The following GPC6 variants were observed in gnomAD, a reference collection of about 807,000 sequenced individuals.
GPC6 encodes glypican-6.
In GPC6, 14 loss-of-function variants were observed where a neutral mutation model predicts 55.2. The observed-to-expected ratio is 0.25, with a 90% confidence interval of 0.17 to 0.40. The LOEUF (loss-of-function observed/expected upper bound fraction) is 0.40. Ranked by LOEUF, GPC6 falls within the 10% of genes least tolerant of loss-of-function variation. The pLI, the probability that GPC6 is intolerant of heterozygous loss-of-function variation, is 1.00. For missense variants in GPC6, 641 were observed against 708.5 expected (o/e 0.90, Z 1.08); for synonymous variants, 278 against 259.6 (o/e 1.07, Z -0.68).
intron 3 of GPC6, among the ~76,000 whole-genome samples, chr13:93,906,351 C>A (rs1396635586): frequency 1.3e-5 from 2 of 152,070 alleles, no homozygotes; most frequent in Non-Finnish European, 2.9e-5. Flanking sequence ...GAGAAGGAAC[C>A]CCAAAAGGTT....
chr13:93,470,925 A>G (rs1022279742), intron 1 of GPC6, among the ~76,000 whole-genome samples: 9 of 152,088 alleles, frequency 5.9e-5, no homozygotes, highest in South Asian at 2.1e-4. Context: ...ATGTTCATAG[A>G]GTTGTTCATA....
At chr13:94,289,722 C>T (rs1874854845) in intron 5 of GPC6, among the ~76,000 whole-genome samples, 1 of 152,100 alleles carries the variant, frequency 6.6e-6, no homozygotes, top group Admixed American at 6.5e-5. Context: ...TATCAGGGGA[C>T]CTGGATTTTA....
chr13:93,405,448 G>A (rs1418598381), intron 1 of GPC6, among the ~76,000 whole-genome samples: 1 of 152,080 alleles, frequency 6.6e-6, no homozygotes, highest in East Asian at 1.9e-4. Context: ...GGAGTCATCA[G>A]TTCTCTCATC....
chr13:93,320,560 T>C (rs907515030), intron 1 of GPC6, among the ~76,000 whole-genome samples: 1 of 151,884 alleles, frequency 6.6e-6, no homozygotes, highest in African/African-American at 2.4e-5. Context: ...GTATTGTTTA[T>C]ATAAGAATAT....
intron 2 of GPC6, among the ~76,000 whole-genome samples, chr13:93,695,844 G>C (rs1369752070): frequency 2.0e-5 from 3 of 151,990 alleles, no homozygotes; most frequent in Non-Finnish European, 4.4e-5. Context: ...ATTATGCTCT[G>C]CAGGTTTTGA....
chr13:94,274,546 T>C (rs577668142), intron 4 of GPC6, among the ~76,000 whole-genome samples: 9 of 152,316 alleles, frequency 5.9e-5, no homozygotes, highest in Non-Finnish European at 1.2e-4. Context: ...TGTGATCTTT[T>C]TGTATGAACC....
intron 6 of GPC6, among the ~76,000 whole-genome samples, chr13:94,365,648 A>G (rs937065453): frequency 2.0e-5 from 3 of 152,164 alleles, no homozygotes; most frequent in African/African-American, 4.8e-5. Flanking sequence ...TCCACCTACT[A>G]GTTGCTGAAT....
chr13:94,280,564 A>G (rs967289222), intron 4 of GPC6, among the ~76,000 whole-genome samples: 1 of 152,218 alleles, frequency 6.6e-6, no homozygotes, highest in African/African-American at 2.4e-5. Flanking sequence ...CATTCATGCC[A>G]TGGGCATTAA....
chr13:93,583,502 T>C (rs1237843943), intron 2 of GPC6, among the ~76,000 whole-genome samples: 1 of 152,160 alleles, frequency 6.6e-6, no homozygotes, highest in Non-Finnish European at 1.5e-5. Flanking sequence ...CACCGCAACC[T>C]CCGCCTCCCA....
At chr13:94,374,693 GC>G (rs1566733446) in intron 6 of GPC6, among the ~76,000 whole-genome samples, 1 of 150,888 alleles carries the variant, frequency 6.6e-6, no homozygotes, top group African/African-American at 2.5e-5. Context: ...ATTGAACTCA[GC>G]TCTGCACCAA....
chr13:93,275,932 C>T (rs7319423), intron 1 of GPC6, among the ~76,000 whole-genome samples: 5,098 of 152,116 alleles, frequency 0.034, 276 homozygotes, highest in African/African-American at 0.12. Flanking sequence ...TGGAGTGCGG[C>T]GGCGCGATCT....
chr13:94,245,648 A>G (rs971007524), intron 4 of GPC6, among the ~76,000 whole-genome samples: 1 of 152,020 alleles, frequency 6.6e-6, no homozygotes, highest in African/African-American at 2.4e-5. Context: ...GCTTAATATA[A>G]TGTCCTCTAG....
chr13:93,712,075 T>C (rs1388258341), intron 2 of GPC6, among the ~76,000 whole-genome samples: 1 of 151,748 alleles, frequency 6.6e-6, no homozygotes, highest in Non-Finnish European at 1.5e-5. Flanking sequence ...TGGCAGCCTG[T>C]GTTCCAGGCT....
intron 2 of GPC6, among the ~76,000 whole-genome samples, chr13:93,691,873 A>C (rs1308391791): frequency 1.3e-5 from 2 of 152,056 alleles, no homozygotes; most frequent in African/African-American, 2.4e-5. Flanking sequence ...AATAATCATC[A>C]TTTAGCAAGT....
chr13:94,268,123 G>A (rs925409551), intron 4 of GPC6, among the ~76,000 whole-genome samples: 1 of 152,184 alleles, frequency 6.6e-6, no homozygotes, highest in Non-Finnish European at 1.5e-5. Flanking sequence ...CCTTGCTAAG[G>A]TCTAAATTGC....
intron 2 of GPC6, among the ~76,000 whole-genome samples, chr13:93,776,584 G>A (rs1885476625): frequency 6.6e-6 from 1 of 151,446 alleles, no homozygotes. Context: ...ATCTTTTCAA[G>A]GTATGTTCAG....
rs182371883 is a variant in GPC6 at position 93,833,927 on chromosome 13, G to A, written c.711+3382G>A. ...ACCATGTGACTCTTAGAAGCACTAT[G>A]TGATTCTTAGTGAATATCTATGGTC... On this transcript the variant is annotated intron_variant, in intron 3 of 8. Coordinates refer to ENST00000377047, the MANE Select transcript of GPC6 (RefSeq NM_005708.5). Among the ~76,000 whole-genome samples, 822 of 152,170 alleles carry A rather than the reference G, an allele frequency of 5.4e-3. 6 individuals carry two copies. The highest frequency in any genetic ancestry group is 0.018 in the African/African-American group (758 of 41,524).
chr13:94,153,614 G>C (rs1887822694), intron 4 of GPC6, among the ~76,000 whole-genome samples: 1 of 152,168 alleles, frequency 6.6e-6, no homozygotes, highest in Admixed American at 6.5e-5. Context: ...ATGTCATGTA[G>C]GAGAAAAACT....
intron 1 of GPC6, among the ~76,000 whole-genome samples, chr13:93,513,446 T>C (rs1357342382): frequency 1.3e-5 from 2 of 152,210 alleles, no homozygotes; most frequent in Non-Finnish European, 2.9e-5. Flanking sequence ...TTCATTGTAA[T>C]TTTACTATTG....
Sources: allele counts gnomAD v4.1 joint callset (sites outside exome capture counted in the v4.1 genomes callset), GRCh38; gene constraint gnomAD v4.1.1; transcripts MANE v1.5; gene names NCBI Gene and HGNC (gene_info 2026-07-23, HGNC 2026-07-21).